The following C13orf46 variants were observed in gnomAD, a reference collection of about 807,000 sequenced individuals.
C13orf46 encodes uncharacterized protein C13orf46.
the C13orf46 span, among the ~76,000 whole-genome samples, chr13:113,948,187 C>T: frequency 1.3e-5 from 2 of 152,314 alleles, no homozygotes; most frequent in South Asian, 4.1e-4. Flanking sequence ...CATGACTCAG[C>T]ATGAAAGGAA....
rs1268358361 is a variant in C13orf46, at chr13:113,957,393, C to T, written c.573-554G>A. Among the ~76,000 whole-genome samples, 472 of 116,270 alleles carry T rather than the reference C, an allele frequency of 4.1e-3. 6 individuals are homozygous for T. The East Asian group carries it at 0.059, about 15-fold the overall frequency. 76.3% of individuals were successfully genotyped at this position (116,270 alleles called of 152,430 possible). A position where few individuals can be genotyped will look rare whatever the true frequency, so the allele number is the denominator to read the frequency against. ...ATCAAGCACACTGGGGGGTCTCCCCCGCACTCTGCCTGCACCCCCTTTCAT... is the reference window on the plus strand; with the variant it reads ...ATCAAGCACACTGGGGGGTCTCCCCTGCACTCTGCCTGCACCCCCTTTCAT... On this transcript the variant is annotated intron_variant, in intron 6 of 6. Transcript: ENST00000636427.
At position 113,967,943 on chromosome 13, in the gene C13orf46, G is replaced by A. The variant is rs1036758187; in HGVS notation, c.456+524C>T. 3.6e-3 allele frequency among the ~76,000 whole-genome samples: 553 copies of A among 152,310 alleles called. 2 individuals are homozygous for A. The highest frequency in any genetic ancestry group is 0.012 in the Admixed American group (185 of 15,304). ...CCAGCCCAGAACGTGTGTCTGATGG[G>A]AGCATTTGAGTCAACTCCAAGGGCA... is the stretch of plus-strand genomic sequence containing the variant. On this transcript the variant is annotated intron_variant, in intron 4 of 6. Transcript: ENST00000636427.
intron 6 of C13orf46, among the ~76,000 whole-genome samples, 164 bp downstream of exon 6, chr13:113,964,763 C>T (rs892289636): frequency 5.3e-4 from 81 of 152,310 alleles, no homozygotes; most frequent in African/African-American, 1.9e-3. Context: ...CTCAGTCCCT[C>T]AGGCTCGGCA....
At chr13:113,963,646 C>CGCCCGTCCTCAGCCTT (rs2052610418) in intron 6 of C13orf46, among the ~76,000 whole-genome samples, 1 of 146,526 alleles carries the variant, frequency 6.8e-6, no homozygotes, top group South Asian at 2.2e-4. Context: ...TCCTCAGCCT[C>CGCCCGTCCTCAGCCTT]GCCCGTCCTC....
the C13orf46 span, chr13:113,927,604 GA>G: frequency 5.0e-6 from 2 of 398,704 alleles, no homozygotes; most frequent in Non-Finnish European, 8.8e-6. Context: ...CTACGGTGGG[GA>G]GTGAGCCTTG....
intron 1 of C13orf46, among the ~76,000 whole-genome samples, chr13:113,972,370 TA>T: frequency 6.6e-6 from 1 of 152,326 alleles, no homozygotes; most frequent in South Asian, 2.1e-4. Context: ...CACATATTTT[TA>T]CATCATTACC....
At chr13:113,945,625 AAAG>A in the C13orf46 span, among the ~76,000 whole-genome samples, 1 of 129,370 alleles carries the variant, frequency 7.7e-6, no homozygotes, top group Non-Finnish European at 1.7e-5. Flanking sequence ...AGAAAGAAAG[AAAG>A]AAAGAAAGAA....
chr13:113,965,641 ATGATTG>A lies in C13orf46; in HGVS notation c.505-653_505-648del, dbSNP rs1261315168. On this transcript the variant is annotated intron_variant, in intron 5 of 6. Coordinates refer to ENST00000636427, the MANE Select transcript of C13orf46 (RefSeq NM_001365455.2). ...GATGGTGGTGATGATGACAGTGATG[ATGATTG>A]TGACAATGATGATGGTGATTATAAT... Among the ~76,000 whole-genome samples, 293 of 152,064 alleles carry A rather than the reference ATGATTG, an allele frequency of 1.9e-3. 4 individuals carry two copies. Among genetic ancestry groups the A allele is most frequent in the Admixed American group, 0.015 (233 of 15,292 alleles).
At chr13:113,940,489 CG>C in the C13orf46 span, among the ~76,000 whole-genome samples, 1 of 133,050 alleles carries the variant, frequency 7.5e-6, no homozygotes, top group African/African-American at 2.8e-5. Context: ...GCTGGGCATT[CG>C]AGACCCTGGT....
At chr13:113,951,476 C>T (rs1005163859), downstream of C13orf46, among the ~76,000 whole-genome samples, 239 of 152,308 alleles carry the variant, frequency 1.6e-3, 2 homozygotes, top group African/African-American at 5.5e-3. Flanking sequence ...CACTCCCCCC[C>T]GCCGCCACCA....
Position 113,954,584 on chromosome 13 carries a change from A to G in C13orf46, c.*2189T>C, listed in dbSNP as rs1227074602. The G allele has an allele frequency of 1.3e-5, 2 of 152,434 alleles. No homozygotes were observed. The highest frequency in any genetic ancestry group is 4.8e-5 in the African/African-American group (2 of 41,400). 9.4% of individuals were successfully genotyped at this position (152,434 alleles called of 1,614,324 possible). A position where few individuals can be genotyped will look rare whatever the true frequency, so the allele number is the denominator to read the frequency against. ...CACCGTGCTCCTGGCTCCTGCAGGG[A>G]CTTTGGTGACACAGCAGATGCTCCA... On this transcript the variant is annotated 3_prime_UTR_variant, in exon 7 of 7. Transcript: ENST00000636427.
chr13:113,946,064 C>T, the C13orf46 span, among the ~76,000 whole-genome samples: 367 of 112,326 alleles, frequency 3.3e-3, 4 homozygotes, highest in Admixed American at 0.023. Context: ...GTGAATGCCG[C>T]GTTTAAAACG....
chr13:113,964,261 T>G (rs1216132150), intron 6 of C13orf46, among the ~76,000 whole-genome samples: 1 of 152,250 alleles, frequency 6.6e-6, no homozygotes, highest in Non-Finnish European at 1.5e-5. Context: ...ACAATTGCTT[T>G]TTGTATTTTT....
chr13:113,939,725 C>T, the C13orf46 span, among the ~76,000 whole-genome samples: 1 of 152,224 alleles, frequency 6.6e-6, no homozygotes, highest in Non-Finnish European at 1.5e-5. Flanking sequence ...CTCAGGCTCC[C>T]AGTGACCTCC....
intron 5 of C13orf46, 94 bp from the exon 6 acceptor site, chr13:113,965,088 C>G (rs951579785): frequency 1.3e-5 from 2 of 152,248 alleles, no homozygotes; most frequent in African/African-American, 4.8e-5. Context: ...GGCTAGGGCA[C>G]AGAGGCTGGA....
chr13:113,941,617 G>A, the C13orf46 span, among the ~76,000 whole-genome samples: 1 of 152,250 alleles, frequency 6.6e-6, no homozygotes, highest in African/African-American at 2.4e-5. Context: ...GGAAACAGGA[G>A]CTGTTGACAT....
At chr13:113,942,728 A>G in the C13orf46 span, among the ~76,000 whole-genome samples, 2,707 of 152,318 alleles carry the variant, frequency 0.018, 78 homozygotes, top group African/African-American at 0.061. Context: ...AGGGCGCGGT[A>G]GGAACCCCTG....
chr13:113,963,247 C>A lies in C13orf46; in HGVS notation c.572+1680G>T, dbSNP rs1372623547. Among the ~76,000 whole-genome samples, 33 of 97,474 alleles carry A rather than the reference C, an allele frequency of 3.4e-4. No homozygotes were observed. The East Asian group carries it at 8.2e-3, about 24-fold the overall frequency. 63.9% of individuals were successfully genotyped at this position (97,474 alleles called of 152,430 possible). A position where few individuals can be genotyped will look rare whatever the true frequency, so the allele number is the denominator to read the frequency against. Reference sequence around the variant, plus strand: ...GCCTCGGCCCCTGTCCTCAGCCTCGCCCCTGTCCTCAGCCTCGGCCCTGTC... The same window carrying A: ...GCCTCGGCCCCTGTCCTCAGCCTCGACCCTGTCCTCAGCCTCGGCCCTGTC... On this transcript the variant is annotated intron_variant, in intron 6 of 6. Transcript: ENST00000636427.
chr13:113,958,930 A>G (rs1392787035), intron 6 of C13orf46, among the ~76,000 whole-genome samples: 4 of 152,130 alleles, frequency 2.6e-5, no homozygotes, highest in African/African-American at 9.7e-5. Flanking sequence ...CTTGGCTGAC[A>G]GCCCTGAGTT....
Sources: allele counts gnomAD v4.1 joint callset (sites outside exome capture counted in the v4.1 genomes callset), GRCh38; gene constraint gnomAD v4.1.1; transcripts MANE v1.5; gene names NCBI Gene and HGNC (gene_info 2026-07-23, HGNC 2026-07-21).